Variants in RANBP2 observed in about 807,000 individuals in gnomAD.
RANBP2 encodes E3 SUMO-protein ligase RanBP2.
RANBP2 carries 57 observed loss-of-function variants against 303.6 expected under a neutral mutation model. That is an observed-to-expected ratio of 0.19 (90% CI 0.15 to 0.23). RANBP2 has a LOEUF of 0.23. RANBP2 is among the 10% of genes least tolerant of loss of function. The pLI, the probability that RANBP2 is intolerant of heterozygous loss-of-function variation, is 1.00. For synonymous variants in RANBP2, 1,167 were observed against 1,301.5 expected, an observed-to-expected ratio of 0.90 and a Z score of 2.23; for missense variants, 3,138 against 3,780.8, an observed-to-expected ratio of 0.83 and a Z score of 4.46.
the RANBP2 span, among the ~76,000 whole-genome samples, chr2:109,626,489 C>A: frequency 1.3e-5 from 2 of 151,120 alleles, no homozygotes. Context: ...ACAAAACAAA[C>A]AAACAAACAA....
chr2:108,756,392 G>A (rs1351509046), intron 17 of RANBP2, among the ~76,000 whole-genome samples: 1 of 151,610 alleles, frequency 6.6e-6, no homozygotes, highest in Non-Finnish European at 1.5e-5. Context: ...TTTGGAATTG[G>A]AAATAAAAGT....
the RANBP2 span, among the ~76,000 whole-genome samples, chr2:109,283,881 G>T: frequency 6.6e-6 from 1 of 152,176 alleles, no homozygotes; most frequent in Non-Finnish European, 1.5e-5. Flanking sequence ...TATTCTATAT[G>T]CATCAGCTGG....
At chr2:109,252,066 T>A in the RANBP2 span, among the ~76,000 whole-genome samples, 3 of 144,330 alleles carry the variant, frequency 2.1e-5, no homozygotes, top group South Asian at 2.3e-4. Flanking sequence ...GGGCAACATA[T>A]AGAGATGCCA....
At chr2:109,369,630 G>A in the RANBP2 span, among the ~76,000 whole-genome samples, 110 of 152,270 alleles carry the variant, frequency 7.2e-4, no homozygotes, top group African/African-American at 2.5e-3. Context: ...TGGCCCCCAC[G>A]CTCTACTTGT....
the RANBP2 span, chr2:109,665,507 A>T: frequency 6.6e-6 from 1 of 152,010 alleles, no homozygotes; most frequent in African/African-American, 2.4e-5. Context: ...ACGCCCAGCT[A>T]ATTTTGTATT....
intron 18 of RANBP2, 29 bp from the exon 19 acceptor site, chr2:108,762,072 T>C (rs1412783820): frequency 6.3e-7 from 1 of 1,596,434 alleles, no homozygotes; most frequent in Non-Finnish European, 8.5e-7. Context: ...TTTAACAGTG[T>C]TTTCTTTATT....
chr2:109,306,659 G>A, the RANBP2 span, among the ~76,000 whole-genome samples: 1 of 152,200 alleles, frequency 6.6e-6, no homozygotes, highest in African/African-American at 2.4e-5. Flanking sequence ...GCAGTCGGTG[G>A]ACCCCAAATG....
chr2:109,443,493 C>T, the RANBP2 span, among the ~76,000 whole-genome samples: 2 of 152,168 alleles, frequency 1.3e-5, no homozygotes, highest in Non-Finnish European at 2.9e-5. Flanking sequence ...CAGATAATGA[C>T]TTGGGGGTTA....
At chr2:108,775,585 T>C (rs1677824141) in intron 23 of RANBP2, 147 bp from the exon 24 acceptor site, 16 of 753,972 alleles carry the variant, frequency 2.1e-5, no homozygotes, top group South Asian at 1.4e-4. Flanking sequence ...CATTTAGTTA[T>C]AGGTTTTGAG....
the RANBP2 span, among the ~76,000 whole-genome samples, chr2:109,282,091 T>G: frequency 1.3e-5 from 2 of 152,090 alleles, no homozygotes; most frequent in Non-Finnish European, 2.9e-5. Context: ...GAAGCCTGTC[T>G]CTAGTTGCAT....
chr2:108,789,456 T>C (rs2149394898), downstream of RANBP2, among the ~76,000 whole-genome samples: 1 of 152,236 alleles, frequency 6.6e-6, no homozygotes, highest in East Asian at 1.9e-4. Context: ...TAGCCAGGCT[T>C]GGTGGTGTGC....
At chr2:109,158,612 T>A in the RANBP2 span, among the ~76,000 whole-genome samples, 4 of 152,216 alleles carry the variant, frequency 2.6e-5, no homozygotes, top group Admixed American at 2.6e-4. Context: ...AAGGCTTGTG[T>A]CTCAGGACTT....
chr2:109,602,945 C>T, the RANBP2 span, among the ~76,000 whole-genome samples: 4 of 149,672 alleles, frequency 2.7e-5, no homozygotes, highest in Admixed American at 1.3e-4. Flanking sequence ...GTGGTGTGTA[C>T]CTGTGGAAAC....
At chr2:109,586,997 G>A in the RANBP2 span, among the ~76,000 whole-genome samples, 15 of 151,900 alleles carry the variant, frequency 9.9e-5, no homozygotes, top group Non-Finnish European at 2.9e-5. Context: ...AATTATGACA[G>A]GAAAAAAACA....
chr2:108,803,588 C>T, the RANBP2 span, among the ~76,000 whole-genome samples: 28 of 152,172 alleles, frequency 1.8e-4, no homozygotes, highest in Non-Finnish European at 3.8e-4. Flanking sequence ...TACAGATGTG[C>T]ACCACTGTGC....
chr2:109,503,105 G>C, the RANBP2 span: 2 of 152,196 alleles, frequency 1.3e-5, no homozygotes, highest in Non-Finnish European at 2.9e-5. Flanking sequence ...CACTTCCCAG[G>C]AAGACTGATC....
At chr2:109,697,109 G>C in the RANBP2 span, among the ~76,000 whole-genome samples, 1 of 152,174 alleles carries the variant, frequency 6.6e-6, no homozygotes, top group Non-Finnish European at 1.5e-5. Flanking sequence ...GTTTCTCTCA[G>C]TGTCTTGAAG....
At chr2:109,494,145 A>G in the RANBP2 span, among the ~76,000 whole-genome samples, 98 of 152,318 alleles carry the variant, frequency 6.4e-4, no homozygotes, top group African/African-American at 2.3e-3. Flanking sequence ...CTTCAAAGAC[A>G]TGACTTCCAG....
At chr2:108,830,077 T>G in the RANBP2 span, among the ~76,000 whole-genome samples, 3 of 152,168 alleles carry the variant, frequency 2.0e-5, no homozygotes, top group Admixed American at 6.5e-5. Context: ...TACACAAGAC[T>G]ATTATTCAGG....
Sources: allele counts gnomAD v4.1 joint callset (sites outside exome capture counted in the v4.1 genomes callset), GRCh38; gene constraint gnomAD v4.1.1; transcripts MANE v1.5; gene names NCBI Gene and HGNC (gene_info 2026-07-23, HGNC 2026-07-21).